The following DCAF5 variants were observed in gnomAD, a reference collection of about 807,000 sequenced individuals.
DCAF5 encodes the protein DDB1 and CUL4 associated factor 5.
In DCAF5, 9 loss-of-function variants were observed where a neutral mutation model predicts 80.7. The observed-to-expected ratio is 0.11, with a 90% CI of 0.07 to 0.19. The LOEUF (loss-of-function observed/expected upper bound fraction) is 0.19. DCAF5 is among the 10% of genes least tolerant of loss of function. The pLI is 1.00. For missense variants in DCAF5, 842 were observed against 1,205.7 expected, an observed-to-expected ratio of 0.70 and a Z score of 4.47; for synonymous variants, 433 against 461.9, an observed-to-expected ratio of 0.94 and a Z score of 0.80.
chr14:69,129,674 C>G (rs1258855196), intron 1 of DCAF5, among the ~76,000 whole-genome samples: 1 of 152,208 alleles, frequency 6.6e-6, no homozygotes, highest in South Asian at 2.1e-4. Context: ...ACCATTTAAG[C>G]CAGCCCCATG....
intron 1 of DCAF5, among the ~76,000 whole-genome samples, chr14:69,137,779 T>C (rs2041239128): frequency 6.6e-6 from 1 of 152,188 alleles, no homozygotes; most frequent in South Asian, 2.1e-4. Context: ...TCCGAAAATA[T>C]TACAGTCAAG....
intron 7 of DCAF5, among the ~76,000 whole-genome samples, chr14:69,075,009 G>A (rs1318486442): frequency 1.3e-5 from 2 of 151,370 alleles, no homozygotes; most frequent in Non-Finnish European, 2.9e-5. Flanking sequence ...ACTCTGGCTT[G>A]GGCAACAAGA....
chr14:69,055,740 C>T lies in DCAF5; in HGVS notation c.1075-129G>A. 1.0e-6 allele frequency: 1 copy of T among 959,312 alleles called. No homozygotes were observed. The highest frequency in any genetic ancestry group is 1.5e-6 in the Non-Finnish European group (1 of 649,804). 59.4% of individuals were successfully genotyped at this position (959,312 alleles called of 1,614,324 possible). A position where few individuals can be genotyped will look rare whatever the true frequency, so the allele number is the denominator to read the frequency against. Reference sequence around the variant, plus strand: ...TGTAATTTAACTAGGACTTGCTAACCAACTTAAAAATAAGTTCTTTACCAG... The same window carrying T: ...TGTAATTTAACTAGGACTTGCTAACTAACTTAAAAATAAGTTCTTTACCAG... On this transcript the variant is annotated intron_variant, in intron 8 of 8. Coordinates refer to ENST00000341516, the MANE Select transcript of DCAF5 (RefSeq NM_003861.3). The surrounding 1 kb of genome is among the most constrained non-coding windows in gnomAD (Gnocchi z 5.6).
intron 7 of DCAF5, among the ~76,000 whole-genome samples, chr14:69,068,018 C>T (rs1356583980): frequency 1.3e-5 from 2 of 152,210 alleles, no homozygotes; most frequent in Non-Finnish European, 2.9e-5. Context: ...ATCTATCCTT[C>T]AGGGTCCTTT....
intron 5 of DCAF5, among the ~76,000 whole-genome samples, chr14:69,105,943 A>ATATATATATATATATATATATCTATC (rs1223858774): frequency 1.3e-5 from 1 of 74,172 alleles, no homozygotes. Flanking sequence ...ATATATATAT[A>ATATATATATATATATATATATCTATC]TATCTCCTAT....
In DCAF5 at chr14:69,152,461, G is replaced by C. The variant is rs1344952325; in HGVS notation, c.214+304C>G. The C allele has an allele frequency of 1.4e-5, 4 of 289,314 alleles. No homozygotes were observed. The East Asian group carries it at 2.8e-4, about 20-fold the overall frequency. The allele number at this position is 289,314 out of a possible 1,614,324, so 17.9% of individuals were successfully genotyped here. A position where few individuals can be genotyped will look rare whatever the true frequency, so the allele number is the denominator to read the frequency against. On this transcript the variant is annotated intron_variant, in intron 1 of 8. Coordinates refer to ENST00000341516, the MANE Select transcript of DCAF5 (RefSeq NM_003861.3). This position sits in a 1 kb window ranked among gnomAD's most constrained non-coding sequence, Gnocchi z 4.1. ...AGTTTGCCGTCAAACTTTGTAGAGC[G>C]GTAACCTCGCCCCCCTCCCCGACCT...
intron 1 of DCAF5, among the ~76,000 whole-genome samples, chr14:69,151,763 GCC>G (rs1566797351): frequency 1.3e-5 from 2 of 152,122 alleles, no homozygotes; most frequent in Non-Finnish European, 2.9e-5. Flanking sequence ...TGTCGCCGCG[GCC>G]CGCGGGGCCC....
intron 1 of DCAF5, among the ~76,000 whole-genome samples, chr14:69,126,600 T>C (rs549353042): frequency 6.6e-6 from 1 of 152,328 alleles, no homozygotes; most frequent in South Asian, 2.1e-4. Flanking sequence ...AGGCCCATAA[T>C]AGTCAACATG....
Position 69,054,994 on chromosome 14 carries a change from G to GCTGCTGGAA in DCAF5, c.1683_1691dup (p.Ser566_Ser568dup). 6.2e-7 allele frequency: 1 copy of GCTGCTGGAA among 1,614,262 alleles called. No homozygotes were observed. Among genetic ancestry groups the GCTGCTGGAA allele is most frequent in the Non-Finnish European group, 8.5e-7 (1 of 1,180,054 alleles). The stretch of plus-strand genomic sequence containing the variant: ...CCTCCTCATCCTCAGAGCTGCTAGA[G>GCTGCTGGAA]CTGCTGGAACTGCTGGATTCATCTT... On this transcript the variant is annotated inframe_insertion, in exon 9 of 9. Coordinates refer to ENST00000341516, the MANE Select transcript of DCAF5 (RefSeq NM_003861.3).
At chr14:69,077,589 G>A (rs2038950445) in intron 6 of DCAF5, among the ~76,000 whole-genome samples, 1 of 151,808 alleles carries the variant, frequency 6.6e-6, no homozygotes, top group South Asian at 2.1e-4. Flanking sequence ...CATTGCCCAG[G>A]CTGGTCTCAA....
intron 5 of DCAF5, among the ~76,000 whole-genome samples, chr14:69,100,036 T>C (rs896569208): frequency 2.0e-5 from 3 of 152,212 alleles, no homozygotes; most frequent in African/African-American, 7.2e-5. Context: ...TCATCTACCA[T>C]GTTTCAGAAA....
At chr14:69,086,400 G>A (rs2139948001) in intron 6 of DCAF5, among the ~76,000 whole-genome samples, 1 of 151,740 alleles carries the variant, frequency 6.6e-6, no homozygotes, top group South Asian at 2.1e-4. Flanking sequence ...ACATAATAGT[G>A]GATATGAAAA....
intron 1 of DCAF5, among the ~76,000 whole-genome samples, chr14:69,124,862 A>AT (rs915562926): frequency 9.1e-4 from 138 of 151,370 alleles, no homozygotes; most frequent in African/African-American, 3.1e-3. Context: ...CTGCTACTAT[A>AT]TTTTTTTTTA....
At chr14:69,130,576 C>G (rs1327565011) in intron 1 of DCAF5, among the ~76,000 whole-genome samples, 1 of 152,028 alleles carries the variant, frequency 6.6e-6, no homozygotes, top group African/African-American at 2.4e-5. Flanking sequence ...AATGGTAAAT[C>G]TTATGTTGTA....
At chr14:69,113,962 T>C (rs1252405166) in intron 5 of DCAF5, among the ~76,000 whole-genome samples, 1 of 152,194 alleles carries the variant, frequency 6.6e-6, no homozygotes, top group Non-Finnish European at 1.5e-5. Flanking sequence ...CTGGGCAACT[T>C]TTCTCCTATA....
Position 69,055,658 on chromosome 14 carries a change from T to A in DCAF5, c.1075-47A>T, listed in dbSNP as rs2037942144. The A allele has an allele frequency of 6.5e-7, 1 of 1,542,738 alleles. No homozygotes were observed. Among genetic ancestry groups the A allele is most frequent in the Non-Finnish European group, 8.8e-7 (1 of 1,136,900 alleles). On this transcript the variant is annotated intron_variant, in intron 8 of 8. Transcript: ENST00000341516. The surrounding 1 kb of genome is among the most constrained non-coding windows in gnomAD (Gnocchi z 5.6). ...AAAGCAACAAGGAGTAACTGGAAAG[T>A]ATTCTTTCACTGGTGGTGATAAAGA... is the stretch of plus-strand genomic sequence containing the variant.
At chr14:69,092,737 A>G (rs1184731488) in intron 5 of DCAF5, among the ~76,000 whole-genome samples, 1 of 152,178 alleles carries the variant, frequency 6.6e-6, no homozygotes, top group African/African-American at 2.4e-5. Flanking sequence ...ATATAGCATG[A>G]TAATAAGTAT....
intron 5 of DCAF5, among the ~76,000 whole-genome samples, chr14:69,101,490 A>C (rs1419767716): frequency 1.3e-5 from 2 of 152,218 alleles, no homozygotes; most frequent in Non-Finnish European, 1.5e-5. Flanking sequence ...GGGAGACAGG[A>C]GTGGGAGTAG....
At position 69,053,722 on chromosome 14, in the gene DCAF5, G is replaced by C; in HGVS notation, c.*135C>G. Reference sequence around the variant, plus strand: ...GTTGAATGTTGGATAGAAGGGAGCAGCATCAGACACAAAATTTCAGGCCCT... The same window carrying C: ...GTTGAATGTTGGATAGAAGGGAGCACCATCAGACACAAAATTTCAGGCCCT... On this transcript the variant is annotated 3_prime_UTR_variant, in exon 9 of 9. Coordinates refer to ENST00000341516, the MANE Select transcript of DCAF5 (RefSeq NM_003861.3). 1 of 775,288 alleles carries C rather than the reference G, an allele frequency of 1.3e-6. No homozygotes were observed. Among genetic ancestry groups the C allele is most frequent in the South Asian group, 1.9e-5 (1 of 51,326 alleles). 48.0% of individuals were successfully genotyped at this position (775,288 alleles called of 1,614,324 possible). A position where few individuals can be genotyped will look rare whatever the true frequency, so the allele number is the denominator to read the frequency against.
Sources: allele counts gnomAD v4.1 joint callset (sites outside exome capture counted in the v4.1 genomes callset), GRCh38; gene constraint gnomAD v4.1.1; non-coding constraint Gnocchi (gnomAD v3.1); transcripts MANE v1.5; gene names NCBI Gene and HGNC (gene_info 2026-07-23, HGNC 2026-07-21).